HECW1: variants seen among roughly 807,000 people sequenced by gnomAD.
HECW1 encodes HECT, C2 and WW domain containing E3 ubiquitin protein ligase 1, also known as E3 ubiquitin-protein ligase HECW1.
A neutral mutation model predicts 182.3 loss-of-function variants in HECW1; 61 were observed. That is an observed-to-expected ratio of 0.33 (90% CI 0.27 to 0.41). The LOEUF (loss-of-function observed/expected upper bound fraction) is 0.41. HECW1 is among the 10% of genes least tolerant of loss of function. The pLI, the probability that HECW1 is intolerant of heterozygous loss-of-function variation, is 1.00. For synonymous variants in HECW1, 859 were observed against 832.6 expected (o/e 1.03, Z -0.55); for missense variants, 1,739 against 2,108.9 (o/e 0.82, Z 3.44).
chr7:43,490,358 A>G (rs900031600), intron 17 of HECW1, among the ~76,000 whole-genome samples: 1 of 152,158 alleles, frequency 6.6e-6, no homozygotes, highest in Non-Finnish European at 1.5e-5. Flanking sequence ...TCTGGTTCTG[A>G]GTGAGGACCA....
intron 8 of HECW1, among the ~76,000 whole-genome samples, chr7:43,412,686 G>A (rs1289358912): frequency 6.7e-6 from 1 of 148,586 alleles, no homozygotes; most frequent in Non-Finnish European, 1.5e-5. Context: ...TCCCACCTAT[G>A]AGTGAGAATA....
chr7:43,357,036 A>G (rs1584607320), intron 5 of HECW1, among the ~76,000 whole-genome samples: 1 of 152,316 alleles, frequency 6.6e-6, no homozygotes, highest in East Asian at 1.9e-4. Flanking sequence ...CAAAACCACA[A>G]TGAGTTATCA....
intron 12 of HECW1, among the ~76,000 whole-genome samples, chr7:43,452,628 C>T (rs1371058857): frequency 1.3e-5 from 2 of 152,196 alleles, no homozygotes; most frequent in African/African-American, 4.8e-5. Context: ...GATTCCTGCC[C>T]TCATGGAGCT....
At chr7:43,552,436 T>C (rs1435947937) in intron 28 of HECW1, 100 bp downstream of exon 28, 2 of 811,192 alleles carry the variant, frequency 2.5e-6, no homozygotes, top group East Asian at 5.0e-5. Context: ...AAAATAAAAT[T>C]GACTAAAGCG....
In HECW1 at chr7:43,501,243, C is replaced by T. The variant is rs1161890080; in HGVS notation, c.3552C>T (p.Val1184=). 2 of 1,580,024 alleles carry T rather than the reference C, an allele frequency of 1.3e-6. No homozygotes were observed. Among genetic ancestry groups the T allele is most frequent in the Non-Finnish European group, 8.7e-7 (1 of 1,155,782 alleles). ...TTGAAGAAGAGATTATGTCCTACGT[C>T]CCCCTGCAGGCTGCCTTCCACCCTG... The part of the protein sequence containing the change: ...SLFEEEIMSY[V]PLQAAFHPGY... The change falls in exon 21 of 30, where the codon GTC becomes GTT. Residue 1184 remains valine, a synonymous_variant. Transcript: ENST00000395891.
chr7:43,349,634 T>TG (rs747065478), intron 5 of HECW1, among the ~76,000 whole-genome samples: 2 of 152,250 alleles, frequency 1.3e-5, no homozygotes, highest in Non-Finnish European at 2.9e-5. Flanking sequence ...TTTTAAACAC[T>TG]GGTGCTTTAA....
intron 8 of HECW1, among the ~76,000 whole-genome samples, chr7:43,420,250 T>A (rs2076136739): frequency 6.6e-6 from 1 of 152,242 alleles, no homozygotes; most frequent in Non-Finnish European, 1.5e-5. Context: ...TTATTCCTAA[T>A]TAGAAGGTGA....
chr7:43,529,602 A>G (rs2080900155), intron 24 of HECW1, among the ~76,000 whole-genome samples: 1 of 152,130 alleles, frequency 6.6e-6, no homozygotes, highest in Non-Finnish European at 1.5e-5. Context: ...TTCAGACCCT[A>G]CTGAAATGGA....
chr7:43,144,906 C>A (rs1260154916), intron 2 of HECW1, among the ~76,000 whole-genome samples: 4 of 152,160 alleles, frequency 2.6e-5, no homozygotes, highest in Admixed American at 6.5e-5. Context: ...ATCTATCAAC[C>A]TTTTACATTC....
At chr7:43,392,110 T>C (rs2075052679) in intron 6 of HECW1, among the ~76,000 whole-genome samples, 1 of 152,236 alleles carries the variant, frequency 6.6e-6, no homozygotes, top group South Asian at 2.1e-4. Flanking sequence ...ATTATTATTA[T>C]GGAGCCTTAT....
At chr7:43,267,187 A>G (rs1801894493) in intron 3 of HECW1, among the ~76,000 whole-genome samples, 1 of 152,190 alleles carries the variant, frequency 6.6e-6, no homozygotes, top group Non-Finnish European at 1.5e-5. Flanking sequence ...TCATCATTGC[A>G]AGGATCTATA....
At chr7:43,331,301 C>T (rs1356195215) in intron 5 of HECW1, among the ~76,000 whole-genome samples, 2 of 151,988 alleles carry the variant, frequency 1.3e-5, no homozygotes, top group Non-Finnish European at 1.5e-5. Context: ...CATGTAAGAT[C>T]GGGGTGGGGC....
intron 5 of HECW1, among the ~76,000 whole-genome samples, chr7:43,352,584 C>A (rs547111566): frequency 6.6e-6 from 1 of 152,104 alleles, no homozygotes; most frequent in Non-Finnish European, 1.5e-5. Flanking sequence ...CTAGGTCTGC[C>A]ATGAACCATA....
chr7:43,198,967 A>T (rs1466487208), intron 2 of HECW1, among the ~76,000 whole-genome samples: 1 of 152,192 alleles, frequency 6.6e-6, no homozygotes, highest in African/African-American at 2.4e-5. Flanking sequence ...CCTACCTTGT[A>T]TTTGTTCAAT....
chr7:43,508,917 C>A, intron 23 of HECW1, 52 bp from the exon 24 acceptor site: 1 of 1,592,684 alleles, frequency 6.3e-7, no homozygotes, highest in South Asian at 1.1e-5. Flanking sequence ...CAAACAGGTC[C>A]CCCCACCTCC....
intron 2 of HECW1, among the ~76,000 whole-genome samples, chr7:43,170,352 T>C (rs1396437687): frequency 6.6e-6 from 1 of 151,942 alleles, no homozygotes; most frequent in Non-Finnish European, 1.5e-5. Flanking sequence ...CTCAAAATCA[T>C]CCTCCCCCAC....
intron 16 of HECW1, among the ~76,000 whole-genome samples, chr7:43,477,165 C>T (rs533857445): frequency 2.0e-5 from 3 of 152,138 alleles, no homozygotes; most frequent in South Asian, 4.1e-4. Context: ...AGAGTTCTTT[C>T]AAAATTAGTA....
chr7:43,433,320 A>G (rs1163710320), intron 8 of HECW1, among the ~76,000 whole-genome samples: 1 of 152,256 alleles, frequency 6.6e-6, no homozygotes, highest in African/African-American at 2.4e-5. Context: ...TATTACTGAG[A>G]GAACAGTGGT....
At chr7:43,363,522 G>T (rs1054474738) in intron 6 of HECW1, among the ~76,000 whole-genome samples, 6 of 152,132 alleles carry the variant, frequency 3.9e-5, no homozygotes, top group African/African-American at 1.2e-4. Context: ...TGTACATCCT[G>T]CAGACAACTT....
Sources: gnomAD v4.1 joint callset for allele counts (sites outside exome capture counted in the v4.1 genomes callset) on GRCh38, gnomAD v4.1.1 for gene constraint, MANE v1.5 for transcripts, NCBI Gene and HGNC (gene_info 2026-07-23, HGNC 2026-07-21) for gene names.